CNGA4: variants seen among roughly 807,000 people sequenced by gnomAD.
CNGA4 encodes cyclic nucleotide-gated channel alpha-4.
Under a neutral mutation model 45.6 loss-of-function variants are expected in CNGA4, and 32 were observed. The observed-to-expected ratio is 0.70, with a 90% CI of 0.53 to 0.94. CNGA4 has a LOEUF of 0.94. CNGA4 is among the 40% of genes least tolerant of loss of function. CNGA4 has a pLI of 0.00. For synonymous variants in CNGA4, 293 were observed against 304.6 expected (o/e 0.96, Z 0.40); for missense variants, 726 against 755.1 (o/e 0.96, Z 0.45).
upstream of CNGA4, among the ~76,000 whole-genome samples, chr11:6,236,930 AG>A (rs1212754147): frequency 1.3e-5 from 2 of 152,192 alleles, no homozygotes; most frequent in African/African-American, 4.8e-5. Context: ...TTGAACATCT[AG>A]AGGTGGTTTG....
downstream of CNGA4, chr11:6,244,560 C>T (rs1036369448): frequency 2.3e-5 from 14 of 619,798 alleles, no homozygotes; most frequent in Non-Finnish European, 2.2e-5. The surrounding 1 kb of genome is among the most constrained non-coding windows in gnomAD (Gnocchi z 4.5). Context: ...AGGAGTTTAA[C>T]GCACATTCAG....
At chr11:6,243,907 C>T in intron 5 of CNGA4, 42 bp from the exon 6 acceptor site, 1 of 1,573,358 alleles carries the variant, frequency 6.4e-7, no homozygotes, top group South Asian at 1.1e-5. Flanking sequence ...ACCTCCTCAC[C>T]CTCCTACTAA....
In CNGA4 at chr11:6,240,831, C is replaced by T. The variant is rs541961488; in HGVS notation, c.917+120C>T. 4.1e-3 allele frequency: 5,286 copies of T among 1,287,514 alleles called. 26 individuals carry two copies. Among genetic ancestry groups the T allele is most frequent in the Non-Finnish European group, 4.8e-3 (4,465 of 935,414 alleles). 79.8% of individuals were successfully genotyped at this position (1,287,514 alleles called of 1,614,324 possible). On this transcript the variant is annotated intron_variant, in intron 4 of 5. Coordinates refer to ENST00000379936, the MANE Select transcript of CNGA4 (RefSeq NM_001037329.4). This position sits in a 1 kb window ranked among gnomAD's most constrained non-coding sequence, Gnocchi z 4.9. ...AAGGCTGTCAAAATGTAGCATTCAGCCGTGGGTTTGCTGGCTGGGGCTTGG... is the reference window on the plus strand; with the variant it reads ...AAGGCTGTCAAAATGTAGCATTCAGTCGTGGGTTTGCTGGCTGGGGCTTGG...
At chr11:6,239,008 G>T (rs1054530341), upstream of CNGA4, 163 of 1,426,112 alleles carry the variant, frequency 1.1e-4, no homozygotes, top group Non-Finnish European at 1.5e-4. Flanking sequence ...AGGGCAGAGT[G>T]CTAGAGCTAG....
Position 6,239,434 on chromosome 11 carries a change from T to C in CNGA4, c.113T>C (p.Leu38Pro). The part of the protein sequence containing the change: ...DPSGDYYYWW[L>P]NTMVFPVMYN... ...TCTGGGGATTACTACTACTGGTGGC[T>C]GAACACAATGGTCTTCCCAGTCATG... The change falls in exon 2 of 6, where the codon CTG (leucine) becomes CCG (proline). Residue 38 changes from leucine to proline, a missense_variant. Transcript: ENST00000379936. 1 of 1,614,228 alleles carries C rather than the reference T, an allele frequency of 6.2e-7. No homozygotes were observed. Among genetic ancestry groups the C allele is most frequent in the Non-Finnish European group, 8.5e-7 (1 of 1,180,030 alleles).
At position 6,240,379 on chromosome 11, in the gene CNGA4, C is replaced by A; in HGVS notation, c.585C>A (p.Gly195=). ...ACTTTGCCCTATCCCGGTACCTGGG[C>A]TTCGGGCGTGACGCATGGGTGTACC... ...CLYFALSRYL[G]FGRDAWVYPD... is the part of the protein sequence containing the mutation. Residue 195 remains glycine (G), a synonymous_variant, in exon 4 of 6, where the codon GGC becomes GGA. Transcript: ENST00000379936. This position sits in a 1 kb window ranked among gnomAD's most constrained non-coding sequence, Gnocchi z 4.9. 1 of 1,614,250 alleles carries A rather than the reference C, an allele frequency of 6.2e-7. No homozygotes were observed. Among genetic ancestry groups the A allele is most frequent in the Non-Finnish European group, 8.5e-7 (1 of 1,180,044 alleles).
At chr11:6,237,707 T>C (rs375461830), upstream of CNGA4, among the ~76,000 whole-genome samples, 1 of 152,256 alleles carries the variant, frequency 6.6e-6, no homozygotes, top group South Asian at 2.1e-4. Context: ...TTAACAAGCG[T>C]AATACTTTGC....
Position 6,240,220 on chromosome 11 carries a change from C to G in CNGA4, c.426C>G (p.Asn142Lys). ...CGCACACACCCACCCTGAGGCTGAACCGCTTTCTCCGCGCGCCCCGCCTCT... is the reference window on the plus strand; with the variant it reads ...CGCACACACCCACCCTGAGGCTGAAGCGCTTTCTCCGCGCGCCCCGCCTCT... ...LGPHTPTLRL[N>K]RFLRAPRLFE... The change falls in exon 4 of 6, where the codon AAC becomes AAG. Residue 142 changes from asparagine to lysine, a missense_variant. Asn to Lys is a moderately conservative substitution (Grantham distance 94). Transcript: ENST00000379936. This position sits in a 1 kb window ranked among gnomAD's most constrained non-coding sequence, Gnocchi z 4.9. 2.5e-6 allele frequency: 4 copies of G among 1,614,132 alleles called. No individual in the cohort carries two copies. The highest frequency in any genetic ancestry group is 3.4e-6 in the Non-Finnish European group (4 of 1,180,068).
rs1364321746 is a variant in CNGA4, at chr11:6,240,551, C to A, written c.757C>A (p.Leu253Met). Residue 253 changes from leucine to methionine, a missense_variant, in exon 4 of 6, where the codon CTG becomes ATG. Physicochemically the swap from Leu to Met is conservative, Grantham distance 15. Transcript: ENST00000379936. This position sits in a 1 kb window ranked among gnomAD's most constrained non-coding sequence, Gnocchi z 4.9. ...EYLFMVGDFLLAVMGFATIMG... is the reference protein window; with the variant it reads ...EYLFMVGDFLMAVMGFATIMG... Reference sequence around the variant, plus strand: ...CCTCTTCATGGTGGGCGACTTCCTGCTGGCCGTCATGGGTTTCGCCACCAT... The same window carrying A: ...CCTCTTCATGGTGGGCGACTTCCTGATGGCCGTCATGGGTTTCGCCACCAT... 1 of 1,614,248 alleles carries A rather than the reference C, an allele frequency of 6.2e-7. No individual in the cohort carries two copies. Among genetic ancestry groups the A allele is most frequent in the Admixed American group, 1.7e-5 (1 of 60,032 alleles).
Position 6,241,581 on chromosome 11 carries a change from G to T in CNGA4, c.1068G>T (p.Leu356=). ...TCTTTCAGAACTGTGAGGCCAGCCTGCTGGAGGAGCTGGTGCTGAAGCTGC... is the reference window on the plus strand; with the variant it reads ...TCTTTCAGAACTGTGAGGCCAGCCTTCTGGAGGAGCTGGTGCTGAAGCTGC... ...VQIFQNCEAS[L]LEELVLKLQP... Residue 356 remains leucine (L), a synonymous_variant, in exon 5 of 6, where the codon CTG becomes CTT. Transcript: ENST00000379936. 2 of 1,614,236 alleles carry T rather than the reference G, an allele frequency of 1.2e-6. No homozygotes were observed. Among genetic ancestry groups the T allele is most frequent in the Non-Finnish European group, 1.7e-6 (2 of 1,180,046 alleles).
chr11:6,244,378 C>T lies in CNGA4; in HGVS notation c.1697C>T (p.Ala566Val), dbSNP rs1847963719. 6.2e-7 allele frequency: 1 copy of T among 1,613,160 alleles called. No homozygotes were observed. Among genetic ancestry groups the T allele is most frequent in the African/African-American group, 1.3e-5 (1 of 74,874 alleles). The change falls in exon 6 of 6, where the codon GCC (alanine) becomes GTC (valine). Residue 566 changes from alanine (A) to valine (V), a missense_variant. Physicochemically the swap from Ala to Val is moderately conservative, Grantham distance 64. Coordinates refer to ENST00000379936, the MANE Select transcript of CNGA4 (RefSeq NM_001037329.4). This position sits in a 1 kb window ranked among gnomAD's most constrained non-coding sequence, Gnocchi z 4.5. ...EGTSKDEEGRASQEGPPGPE is the reference protein window; with the variant it reads ...EGTSKDEEGRVSQEGPPGPE ...ACTTCCAAAGATGAAGAGGGCAGGG[C>T]CAGCCAGGAGGGACCCCCAGGTCCA...
chr11:6,240,711 G>T lies in CNGA4; in HGVS notation c.917G>T (p.Trp306Leu). The change falls in exon 4 of 6, where the codon TGG (tryptophan) becomes TTG (leucine). Residue 306 changes from tryptophan to leucine, a missense_variant and splice_region_variant. Physicochemically the swap from Trp to Leu is moderately conservative, Grantham distance 61. Transcript: ENST00000379936. This position sits in a 1 kb window ranked among gnomAD's most constrained non-coding sequence, Gnocchi z 4.9. ...NRKLERRVID[W>L]YQHLQINKKM... is the part of the protein sequence containing the mutation. ...AAGCTGGAGCGGCGAGTTATTGACT[G>T]GTGAGAAGGCGGGGTTCCAGACCAG... 6.2e-7 allele frequency: 1 copy of T among 1,611,010 alleles called. No individual in the cohort carries two copies. The highest frequency in any genetic ancestry group is 8.5e-7 in the Non-Finnish European group (1 of 1,177,790).
rs201514722 is a variant in CNGA4 at position 6,240,754 on chromosome 11, G to A, written c.917+43G>A. ...CAGACCAGGACAGGGACCAGTGTAG[G>A]TGATGGAACCTGAGGGAGGTAACTG... On this transcript the variant is annotated intron_variant, in intron 4 of 5. Transcript: ENST00000379936. The surrounding 1 kb of genome is among the most constrained non-coding windows in gnomAD (Gnocchi z 4.9). 5 of 1,582,588 alleles carry A rather than the reference G, an allele frequency of 3.2e-6. No homozygotes were observed. The highest frequency in any genetic ancestry group is 4.3e-6 in the Non-Finnish European group (5 of 1,161,478).
chr11:6,239,897 G>T, intron 3 of CNGA4, 107 bp downstream of exon 3: 1 of 1,341,304 alleles, frequency 7.5e-7, no homozygotes, highest in East Asian at 2.5e-5. Context: ...ACCTTCGCGT[G>T]CCTCTATGCC....
At chr11:6,235,608 T>C (rs980872405), upstream of CNGA4, 3 of 921,208 alleles carry the variant, frequency 3.3e-6, no homozygotes, top group Middle Eastern at 5.6e-4. Context: ...TAAACTAAAA[T>C]AGAAAAATAG....
At position 6,241,459 on chromosome 11, in the gene CNGA4, A is replaced by G; in HGVS notation, c.946A>G (p.Met316Val). 6.3e-7 allele frequency: 1 copy of G among 1,593,616 alleles called. No individual in the cohort carries two copies. The highest frequency in any genetic ancestry group is 1.1e-5 in the South Asian group (1 of 88,300). Reference sequence around the variant, plus strand: ...TCAGCACCTGCAGATCAACAAGAAGATGACCAACGAGGTAGCCATCTTACA... The same window carrying G: ...TCAGCACCTGCAGATCAACAAGAAGGTGACCAACGAGGTAGCCATCTTACA... ...WYQHLQINKK[M>V]TNEVAILQHL... is the part of the protein sequence containing the mutation. The change falls in exon 5 of 6, where the codon ATG (methionine) becomes GTG (valine). Residue 316 changes from methionine (M) to valine (V), a missense_variant. Coordinates refer to ENST00000379936, the MANE Select transcript of CNGA4 (RefSeq NM_001037329.4).
downstream of CNGA4, chr11:6,244,577 C>A: frequency 1.7e-6 from 1 of 585,544 alleles, no homozygotes; most frequent in Admixed American, 3.1e-5. The surrounding 1 kb of genome is among the most constrained non-coding windows in gnomAD (Gnocchi z 4.5). Flanking sequence ...TCAGCCCCCA[C>A]TTACCAGTAC....
chr11:6,239,445 G>T lies in CNGA4; in HGVS notation c.124G>T (p.Val42Phe). ...CTACTACTGGTGGCTGAACACAATG[G>T]TCTTCCCAGTCATGTATAACCTCAT... ...DYYYWWLNTM[V>F]FPVMYNLIIL... The change falls in exon 2 of 6, where the codon GTC becomes TTC. Residue 42 changes from valine (V) to phenylalanine (F), a missense_variant. Coordinates refer to ENST00000379936, the MANE Select transcript of CNGA4 (RefSeq NM_001037329.4). 1 of 1,614,206 alleles carries T rather than the reference G, an allele frequency of 6.2e-7. No homozygotes were observed. Among genetic ancestry groups the T allele is most frequent in the South Asian group, 1.1e-5 (1 of 91,088 alleles).
rs554631077 is a variant in CNGA4 at position 6,240,007 on chromosome 11, C to T, written c.272-59C>T. On this transcript the variant is annotated intron_variant, in intron 3 of 5. Coordinates refer to ENST00000379936, the MANE Select transcript of CNGA4 (RefSeq NM_001037329.4). The surrounding 1 kb of genome is among the most constrained non-coding windows in gnomAD (Gnocchi z 4.9). ...TCTCCCTGGCCTGCCCTGGGCAGCT[C>T]ATGCTCAGCCCAAGCTTGACTACAG... 557 of 1,551,852 alleles carry T rather than the reference C, an allele frequency of 3.6e-4. 1 individual carries two copies. In the Middle Eastern group the frequency reaches 4.0e-3, roughly 11 times the overall value.
Sources: gnomAD v4.1 joint callset for allele counts (sites outside exome capture counted in the v4.1 genomes callset) on GRCh38, gnomAD v4.1.1 for gene constraint, Gnocchi (gnomAD v3.1) non-coding constraint, MANE v1.5 for transcripts, NCBI Gene and HGNC (gene_info 2026-07-23, HGNC 2026-07-21) for gene names.